CCDC197: variants seen among roughly 807,000 people sequenced by gnomAD.
CCDC197 encodes uncharacterized protein CCDC197.
A neutral mutation model predicts 13.4 loss-of-function variants in CCDC197; 24 were observed. That is an observed-to-expected ratio of 1.80 (90% confidence interval 1.30 to 2.53). The LOEUF is 2.53. CCDC197 is among the 30% of genes most tolerant of loss of function. CCDC197 has a pLI of 0.00. For missense variants in CCDC197, 255 were observed against 148.8 expected (o/e 1.71, Z -3.71); for synonymous variants, 99 against 55.5 (o/e 1.78, Z -3.48).
chr14:94,001,063 C>A (rs1890481901), intron 3 of CCDC197, 82 bp from the exon 4 acceptor site: 1 of 650,470 alleles, frequency 1.5e-6, no homozygotes, highest in South Asian at 1.8e-5. Flanking sequence ...TTTTGTGGCC[C>A]CAGCTGGAAT....
chr14:93,996,731 G>A (rs1390025420), upstream of CCDC197, among the ~76,000 whole-genome samples: 1 of 152,140 alleles, frequency 6.6e-6, no homozygotes, highest in East Asian at 1.9e-4. Context: ...CAGGCCAGCC[G>A]GCAGGGTGGT....
At chr14:94,002,151 T>C (rs1172045755) in intron 4 of CCDC197, among the ~76,000 whole-genome samples, 1 of 152,166 alleles carries the variant, frequency 6.6e-6, no homozygotes, top group Non-Finnish European at 1.5e-5. Context: ...GCCATGCTAT[T>C]CTTCCCATTT....
At chr14:93,997,617 T>C (rs1350377720) in intron 1 of CCDC197, 46 bp downstream of exon 1, 1 of 155,484 alleles carries the variant, frequency 6.4e-6, no homozygotes, top group Non-Finnish European at 1.4e-5. Context: ...GTTAAGTGAA[T>C]AAATGCATGG....
intron 2 of CCDC197, 105 bp downstream of exon 2, chr14:93,998,340 G>T (rs761312218): frequency 1.4e-6 from 1 of 691,820 alleles, no homozygotes. Context: ...AGGACAGGGG[G>T]TGGATGAGGA....
chr14:94,004,826 C>G, intron 5 of CCDC197, 29 bp from the exon 6 acceptor site: 1 of 700,754 alleles, frequency 1.4e-6, no homozygotes, highest in Non-Finnish European at 2.6e-6. Context: ...AGAGCCTGAG[C>G]CACCACCTCC....
intron 2 of CCDC197, among the ~76,000 whole-genome samples, 170 bp downstream of exon 2, chr14:93,998,405 C>G (rs146381649): frequency 6.6e-6 from 1 of 152,278 alleles, no homozygotes; most frequent in Admixed American, 6.5e-5. Flanking sequence ...ACAGCTGTGA[C>G]GGGAGAGAGA....
intron 1 of CCDC197, among the ~76,000 whole-genome samples, chr14:93,991,846 T>C (rs1026400829): frequency 2.6e-5 from 4 of 152,294 alleles, no homozygotes; most frequent in African/African-American, 9.6e-5. Context: ...GCAAAGGCCC[T>C]GCGGCCAGGA....
At chr14:94,006,578 A>G (rs1448957418) in intron 6 of CCDC197, among the ~76,000 whole-genome samples, 1 of 151,976 alleles carries the variant, frequency 6.6e-6, no homozygotes, top group Non-Finnish European at 1.5e-5. Flanking sequence ...GCTGGTCTCG[A>G]ACTCCTGACC....
intron 5 of CCDC197, 121 bp from the exon 6 acceptor site, chr14:94,004,734 A>G (rs1890631513): frequency 1.6e-6 from 1 of 616,556 alleles, no homozygotes; most frequent in Non-Finnish European, 2.9e-6. Flanking sequence ...CATGATGAGA[A>G]GGACACTCCC....
At chr14:94,000,876 G>T (rs1239792796) in intron 3 of CCDC197, 4 of 336,342 alleles carry the variant, frequency 1.2e-5, no homozygotes, top group East Asian at 1.2e-4. Flanking sequence ...CTCCCGCCTC[G>T]CTCGGTGGTC....
At chr14:93,995,444 AGTTGTCCCTGAGCCTCCTCAGCCT>A (rs915108508), upstream of CCDC197, among the ~76,000 whole-genome samples, 2 of 152,186 alleles carry the variant, frequency 1.3e-5, no homozygotes, top group South Asian at 2.1e-4. Context: ...GATGCAGCCC[AGTTGTCCCTGAGCCTCCTCAGCCT>A]GTTGTCCCTG....
chr14:94,004,436 G>T (rs1890623467), intron 5 of CCDC197, among the ~76,000 whole-genome samples: 1 of 152,184 alleles, frequency 6.6e-6, no homozygotes, highest in African/African-American at 2.4e-5. Flanking sequence ...TCCAGCCAAG[G>T]CAAGGGGCTT....
Position 93,998,166 on chromosome 14 carries a change from C to T in CCDC197, c.35C>T (p.Pro12Leu). ...AAMDTGQRAD[P>L]SNPGDKEGDL... Reference sequence around the variant, plus strand: ...ATGGACACAGGCCAGAGAGCTGACCCAAGCAATCCTGGTGACAAGGAAGGG... The same window carrying T: ...ATGGACACAGGCCAGAGAGCTGACCTAAGCAATCCTGGTGACAAGGAAGGG... The change falls in exon 2 of 7, where the codon CCA (proline) becomes CTA (leucine). Residue 12 changes from proline to leucine, a missense_variant. Pro to Leu is a moderately conservative substitution (Grantham distance 98). Coordinates refer to ENST00000636493, the MANE Select transcript of CCDC197 (RefSeq NM_001351596.2). 1 of 780,848 alleles carries T rather than the reference C, an allele frequency of 1.3e-6. No homozygotes were observed. The allele number at this position is 780,848 out of a possible 1,614,324, so 48.4% of individuals were successfully genotyped here.
At position 93,999,602 on chromosome 14, in the gene CCDC197, G is replaced by T. The variant is rs1175969209; in HGVS notation, c.124G>T (p.Glu42Ter). Reference protein sequence around the residue: ...LQAKQKKLKREVEKHKLFEDY... With the variant: ...LQAKQKKLKR ...CTACAGGCAGAAGAAGCTCAAGAGAGAAGTCGAGAAGCACAAGCTTTTTGA... is the reference window on the plus strand; with the variant it reads ...CTACAGGCAGAAGAAGCTCAAGAGATAAGTCGAGAAGCACAAGCTTTTTGA... The change falls in exon 3 of 7, where the codon GAA becomes TAA. Residue 42 changes from glutamate (E) to a stop codon, truncating the protein, a stop_gained. Coordinates refer to ENST00000636493, the MANE Select transcript of CCDC197 (RefSeq NM_001351596.2). LOFTEE classifies it high-confidence loss of function. The T allele has an allele frequency of 3.8e-6, 3 of 780,926 alleles. No individual in the cohort carries two copies. The South Asian group carries it at 4.0e-5, about 10-fold the overall frequency. The allele number at this position is 780,926 out of a possible 1,614,324, so 48.4% of individuals were successfully genotyped here.
chr14:93,992,347 C>A (rs1890227645), upstream of CCDC197, among the ~76,000 whole-genome samples: 1 of 152,192 alleles, frequency 6.6e-6, no homozygotes, highest in Non-Finnish European at 1.5e-5. Context: ...AGCTCACAGC[C>A]TTGCCGGGCC....
At chr14:93,994,857 A>C (rs1391705800), upstream of CCDC197, among the ~76,000 whole-genome samples, 1 of 152,168 alleles carries the variant, frequency 6.6e-6, no homozygotes, top group Non-Finnish European at 1.5e-5. Flanking sequence ...AGAGGTGCTA[A>C]TGGAGTCTTC....
intron 5 of CCDC197, among the ~76,000 whole-genome samples, chr14:94,004,217 A>G (rs1890617223): frequency 6.6e-6 from 1 of 152,056 alleles, no homozygotes; most frequent in African/African-American, 2.4e-5. Flanking sequence ...CTCGCCATAA[A>G]CGGAGGCAAC....
downstream of CCDC197, among the ~76,000 whole-genome samples, chr14:94,010,454 T>C (rs1284931286): frequency 6.6e-6 from 1 of 152,244 alleles, no homozygotes; most frequent in Non-Finnish European, 1.5e-5. Context: ...TCCGCCCGCC[T>C]TGGCCTCCCA....
chr14:93,992,214 T>C (rs917804857), intron 1 of CCDC197, among the ~76,000 whole-genome samples: 3 of 151,860 alleles, frequency 2.0e-5, no homozygotes, highest in African/African-American at 7.3e-5. Context: ...GGCTGCCAGG[T>C]GGAGAGTGGC....
Sources: allele counts gnomAD v4.1 joint callset (sites outside exome capture counted in the v4.1 genomes callset), GRCh38; gene constraint gnomAD v4.1.1; transcripts MANE v1.5; gene names NCBI Gene and HGNC (gene_info 2026-07-23, HGNC 2026-07-21).